Variants in TBC1D23 observed in about 807,000 individuals in gnomAD.
The protein encoded by TBC1D23 is HCV non-structural protein 4A-transactivated protein 1.
TBC1D23 carries 55 observed loss-of-function variants against 91.4 expected under a neutral mutation model. That is an observed-to-expected ratio of 0.60 (90% CI 0.48 to 0.75). TBC1D23 has a LOEUF of 0.75. Ranked by LOEUF, TBC1D23 falls within the 30% of genes least tolerant of loss-of-function variation. The probability of loss-of-function intolerance (pLI) is 0.00; values close to 1 mark genes in which losing one functional copy is unlikely to be tolerated. For missense variants in TBC1D23, 725 were observed against 836.1 expected (o/e 0.87, Z 1.64); for synonymous variants, 289 against 281.0 (o/e 1.03, Z -0.28).
chr3:100,270,901 T>C (rs2067594274), intron 1 of TBC1D23, among the ~76,000 whole-genome samples: 2 of 152,194 alleles, frequency 1.3e-5, no homozygotes. Flanking sequence ...TTGTAATTTC[T>C]CTATACTCTG....
chr3:100,281,227 G>A (rs1388733351), intron 2 of TBC1D23, among the ~76,000 whole-genome samples: 1 of 152,098 alleles, frequency 6.6e-6, no homozygotes, highest in Non-Finnish European at 1.5e-5. Context: ...TCTCATACAT[G>A]TGTTTTTATG....
In TBC1D23 at chr3:100,277,360, C is replaced by G. The variant is rs553895998; in HGVS notation, c.54-2289C>G. ...AATTATTTAGGTTTGTAAGAAGTAT[C>G]TTTTGCTACTTAAGGTGTAGCATTT... On this transcript the variant is annotated intron_variant, in intron 1 of 18. Transcript: ENST00000394144. Among the ~76,000 whole-genome samples, 4 of 152,236 alleles carry G rather than the reference C, an allele frequency of 2.6e-5. No homozygotes were observed. The South Asian group carries it at 8.3e-4, about 32-fold the overall frequency.
At chr3:100,319,671 G>A (rs1437150494) in intron 17 of TBC1D23, among the ~76,000 whole-genome samples, 4 of 151,974 alleles carry the variant, frequency 2.6e-5, no homozygotes, top group East Asian at 1.9e-4. Flanking sequence ...CAGGTGATCC[G>A]CCCACCTCGG....
At chr3:100,306,398 A>C (rs771014781) in intron 12 of TBC1D23, 39 bp from the exon 13 acceptor site, 1 of 1,213,298 alleles carries the variant, frequency 8.2e-7, no homozygotes, top group Non-Finnish European at 1.2e-6. Flanking sequence ...AAGAGTGTTG[A>C]TATTTTAGGT....
At chr3:100,261,173 G>T (rs923615340) in intron 1 of TBC1D23, 102 bp downstream of exon 1, 2 of 1,216,900 alleles carry the variant, frequency 1.6e-6, no homozygotes, top group Admixed American at 3.6e-5. Flanking sequence ...GGAACGGAGA[G>T]GCCGGTCCTA....
At chr3:100,286,389 GCTTCCATGA>G (rs1270898533) in intron 4 of TBC1D23, among the ~76,000 whole-genome samples, 1 of 152,220 alleles carries the variant, frequency 6.6e-6, no homozygotes, top group East Asian at 1.9e-4. Context: ...TCTAGTTATT[GCTTCCATGA>G]CTTCCATATG....
At chr3:100,309,491 G>A (rs1268898666) in intron 13 of TBC1D23, among the ~76,000 whole-genome samples, 1 of 151,542 alleles carries the variant, frequency 6.6e-6, no homozygotes, top group Non-Finnish European at 1.5e-5. Context: ...TATTTTTGTA[G>A]ACTAGTCTGA....
intron 14 of TBC1D23, among the ~76,000 whole-genome samples, chr3:100,311,126 T>C (rs186270840): frequency 4.7e-4 from 72 of 152,358 alleles, no homozygotes; most frequent in Non-Finnish European, 7.9e-4. Context: ...TCTCCACGTA[T>C]AAGTCTGTTT....
At chr3:100,300,070 G>A (rs1185452938) in intron 10 of TBC1D23, among the ~76,000 whole-genome samples, 3 of 152,130 alleles carry the variant, frequency 2.0e-5, no homozygotes, top group African/African-American at 7.2e-5. Context: ...TATTTAATAA[G>A]GGTAGTATCT....
chr3:100,286,041 G>A (rs1368569121), intron 4 of TBC1D23, among the ~76,000 whole-genome samples: 1 of 151,998 alleles, frequency 6.6e-6, no homozygotes, highest in African/African-American at 2.4e-5. Context: ...AATCTCTCCA[G>A]GTGATTCTGA....
intron 18 of TBC1D23, 40 bp from the exon 19 acceptor site, chr3:100,323,545 GTA>G (rs768794408): frequency 1.3e-4 from 113 of 901,958 alleles, no homozygotes; most frequent in African/African-American, 2.1e-4. Context: ...ATATACATAT[GTA>G]TATATATATG....
chr3:100,308,446 GT>G (rs1705556503), intron 13 of TBC1D23, among the ~76,000 whole-genome samples: 1 of 151,554 alleles, frequency 6.6e-6, no homozygotes, highest in Admixed American at 6.6e-5. Flanking sequence ...CTGCACTCCA[GT>G]CTCTGGGCGA....
chr3:100,266,132 T>C (rs1488903519), intron 1 of TBC1D23, among the ~76,000 whole-genome samples: 1 of 152,172 alleles, frequency 6.6e-6, no homozygotes, highest in Non-Finnish European at 1.5e-5. Flanking sequence ...ATTTTTTGAA[T>C]TGGGGTTATG....
chr3:100,303,120 T>C (rs1034370738), intron 11 of TBC1D23, among the ~76,000 whole-genome samples: 1 of 152,226 alleles, frequency 6.6e-6, no homozygotes, highest in Non-Finnish European at 1.5e-5. Flanking sequence ...CACTCAGTGA[T>C]GGCTTGTTTT....
At chr3:100,311,260 C>T (rs1349753339) in intron 14 of TBC1D23, among the ~76,000 whole-genome samples, 1 of 152,062 alleles carries the variant, frequency 6.6e-6, no homozygotes, top group Non-Finnish European at 1.5e-5. Context: ...TTGCAGTATC[C>T]TGGGAAAACT....
rs771403385 is a variant in TBC1D23, at chr3:100,319,130, T to A, written c.1749T>A (p.Thr583=). The part of the protein sequence containing the change: ...DDRKEVVNIQ[T]WINKPDVKHH... ...GAAAAGAGGTTGTAAACATTCAGAC[T>A]TGGATAAACAAACCAGATGTCAAAC... The change falls in exon 17 of 19, where the codon ACT becomes ACA. Residue 583 remains threonine, a synonymous_variant. Coordinates refer to ENST00000394144, the MANE Select transcript of TBC1D23 (RefSeq NM_001199198.3). 6.2e-7 allele frequency: 1 copy of A among 1,605,888 alleles called. No individual in the cohort carries two copies. The highest frequency in any genetic ancestry group is 2.2e-5 in the East Asian group (1 of 44,656).
At chr3:100,269,414 G>A (rs1333437864) in intron 1 of TBC1D23, among the ~76,000 whole-genome samples, 2 of 152,172 alleles carry the variant, frequency 1.3e-5, no homozygotes, top group Non-Finnish European at 2.9e-5. Flanking sequence ...CTTGTAACAA[G>A]CATGTCTGAT....
chr3:100,317,316 G>A (rs1263077730), intron 16 of TBC1D23, among the ~76,000 whole-genome samples: 2 of 152,074 alleles, frequency 1.3e-5, no homozygotes, highest in Non-Finnish European at 2.9e-5. Context: ...AATACATGTT[G>A]CATATTTTCC....
At chr3:100,316,821 G>A (rs1705756158) in intron 16 of TBC1D23, among the ~76,000 whole-genome samples, 1 of 152,078 alleles carries the variant, frequency 6.6e-6, no homozygotes. Flanking sequence ...GGCCGGGCGC[G>A]GTGGTTCACG....
Sources: gnomAD v4.1 joint callset for allele counts (sites outside exome capture counted in the v4.1 genomes callset) on GRCh38, gnomAD v4.1.1 for gene constraint, MANE v1.5 for transcripts, NCBI Gene and HGNC (gene_info 2026-07-23, HGNC 2026-07-21) for gene names.